DCDC1: variants seen among roughly 807,000 people sequenced by gnomAD.
The protein encoded by DCDC1 is doublecortin domain-containing protein 1.
In DCDC1, 200 loss-of-function variants were observed where a neutral mutation model predicts 178.3. The observed-to-expected ratio is 1.12, with a 90% CI of 1.00 to 1.26. The LOEUF is 1.26. Among genes scored for constraint, DCDC1 ranks in the 50% most tolerant of loss-of-function variants. The probability of loss-of-function intolerance (pLI) is 0.00; values close to 1 mark genes in which losing one functional copy is unlikely to be tolerated. For synonymous variants in DCDC1, 690 were observed against 604.8 expected, an observed-to-expected ratio of 1.14 and a Z score of -2.07; for missense variants, 1,983 against 1,749.2, an observed-to-expected ratio of 1.13 and a Z score of -2.38.
At chr11:31,062,314 CG>C (rs1275053450) in intron 20 of DCDC1, among the ~76,000 whole-genome samples, 1 of 152,050 alleles carries the variant, frequency 6.6e-6, no homozygotes, top group South Asian at 2.1e-4. Context: ...CCTCATAGAG[CG>C]GTATTACGAG....
chr11:30,887,533 T>A (rs774621591), intron 36 of DCDC1, among the ~76,000 whole-genome samples: 1 of 152,224 alleles, frequency 6.6e-6, no homozygotes, highest in Non-Finnish European at 1.5e-5. Flanking sequence ...TATGTTGGCA[T>A]TGAAGTGTTC....
intron 20 of DCDC1, among the ~76,000 whole-genome samples, chr11:31,009,798 G>T (rs1294254379): frequency 6.6e-6 from 1 of 152,138 alleles, no homozygotes; most frequent in Admixed American, 6.5e-5. Flanking sequence ...AAGGGAAGAG[G>T]TTTAATTGAC....
intron 22 of DCDC1, among the ~76,000 whole-genome samples, chr11:30,927,457 C>T (rs1308231182): frequency 1.3e-5 from 2 of 152,114 alleles, no homozygotes; most frequent in Non-Finnish European, 2.9e-5. Flanking sequence ...GAACATCCTA[C>T]ACCGGTTGAT....
At chr11:31,162,148 T>C (rs1280580537) in intron 9 of DCDC1, among the ~76,000 whole-genome samples, 1 of 152,182 alleles carries the variant, frequency 6.6e-6, no homozygotes, top group Non-Finnish European at 1.5e-5. Flanking sequence ...AAACTATGCA[T>C]AATTTTACAC....
At chr11:31,184,800 T>A (rs1969272422) in intron 9 of DCDC1, among the ~76,000 whole-genome samples, 1 of 152,200 alleles carries the variant, frequency 6.6e-6, no homozygotes, top group African/African-American at 2.4e-5. Flanking sequence ...GAAATAGGAA[T>A]GCTTTTACAC....
chr11:30,902,676 A>T (rs1294954211), intron 32 of DCDC1, among the ~76,000 whole-genome samples: 2 of 152,180 alleles, frequency 1.3e-5, no homozygotes, highest in African/African-American at 4.8e-5. Flanking sequence ...TAGTTAAACG[A>T]CTTACCCAAG....
chr11:30,964,244 C>T (rs748539855), intron 20 of DCDC1, among the ~76,000 whole-genome samples: 3 of 152,118 alleles, frequency 2.0e-5, no homozygotes, highest in Non-Finnish European at 2.9e-5. Context: ...GAGATGCTTA[C>T]ACATTTGTTT....
rs11031357 is a variant in DCDC1 at position 31,328,261 on chromosome 11, T to C, written c.20A>G (p.Glu7Gly). The C allele has an allele frequency of 9.8e-4, 1,537 of 1,571,134 alleles. 19 individuals are homozygous for C. In the East Asian group the frequency reaches 0.028, roughly 28 times the overall value. The change falls in exon 3 of 39, where the codon GAA (glutamate) becomes GGA (glycine). Residue 7 changes from glutamate (E) to glycine (G), a missense_variant. Coordinates refer to ENST00000684477, the MANE Select transcript of DCDC1 (RefSeq NM_001387274.1). ...CTGAGATAGTGCTTCTCTGTGATCT[T>C]CTGCTCCTGTTTTTGCCATTTTCAG... MAKTGA[E>G]DHREALSQSS...
At chr11:31,332,225 A>G (rs1950029897) in intron 2 of DCDC1, among the ~76,000 whole-genome samples, 1 of 152,062 alleles carries the variant, frequency 6.6e-6, no homozygotes, top group Admixed American at 6.6e-5. Flanking sequence ...TAGTGGTGAT[A>G]TCCCCTTTAT....
chr11:30,977,709 T>C (rs1015431258), intron 20 of DCDC1, among the ~76,000 whole-genome samples: 2 of 152,054 alleles, frequency 1.3e-5, no homozygotes, highest in Non-Finnish European at 2.9e-5. Context: ...GTGGGCAGAT[T>C]GCCTGAGCTC....
At chr11:31,263,165 A>G in intron 8 of DCDC1, 4 of 1,305,026 alleles carry the variant, frequency 3.1e-6, no homozygotes, top group Non-Finnish European at 4.3e-6. Flanking sequence ...AAGATCCCTT[A>G]TAGTTTCAAT....
intron 20 of DCDC1, among the ~76,000 whole-genome samples, chr11:31,039,836 T>A (rs1954313099): frequency 1.3e-5 from 2 of 152,192 alleles, no homozygotes; most frequent in Admixed American, 1.3e-4. Flanking sequence ...TCGTGATAGT[T>A]GTTTCATAAA....
At chr11:31,197,234 C>G (rs567944745) in intron 9 of DCDC1, among the ~76,000 whole-genome samples, 1 of 151,966 alleles carries the variant, frequency 6.6e-6, no homozygotes, top group African/African-American at 2.4e-5. Flanking sequence ...ACTACACATT[C>G]AACATAAAAA....
chr11:31,199,154 G>T (rs1971018180), intron 9 of DCDC1, among the ~76,000 whole-genome samples: 1 of 151,904 alleles, frequency 6.6e-6, no homozygotes, highest in Non-Finnish European at 1.5e-5. Flanking sequence ...CATTTATTGA[G>T]CATCCATTGG....
At chr11:31,150,262 G>A (rs1023154257) in intron 9 of DCDC1, among the ~76,000 whole-genome samples, 1 of 152,150 alleles carries the variant, frequency 6.6e-6, no homozygotes, top group Non-Finnish European at 1.5e-5. Flanking sequence ...GCTTGCAACA[G>A]TAAAAGGATT....
At chr11:31,309,695 GTAT>G (rs1171861754) in intron 3 of DCDC1, among the ~76,000 whole-genome samples, 1 of 151,934 alleles carries the variant, frequency 6.6e-6, no homozygotes, top group Non-Finnish European at 1.5e-5. Flanking sequence ...TTTAATGAAT[GTAT>G]TTTTTTCATT....
chr11:30,958,863 T>C (rs1460841374), intron 20 of DCDC1, among the ~76,000 whole-genome samples: 1 of 152,066 alleles, frequency 6.6e-6, no homozygotes, highest in Non-Finnish European at 1.5e-5. Flanking sequence ...CCATGAGGAC[T>C]GAAATTTGCC....
intron 10 of DCDC1, among the ~76,000 whole-genome samples, chr11:31,134,141 C>T (rs1374267696): frequency 2.0e-5 from 3 of 152,220 alleles, no homozygotes; most frequent in African/African-American, 7.2e-5. Flanking sequence ...ACATCATACC[C>T]ATCCACTCAT....
chr11:30,932,780 G>GGGATAGA (rs1427694876), intron 21 of DCDC1, among the ~76,000 whole-genome samples: 1 of 152,154 alleles, frequency 6.6e-6, no homozygotes, highest in African/African-American at 2.4e-5. Context: ...GGTAAAAAGA[G>GGGATAGA]GGATAGAGTA....
Sources: gnomAD v4.1 joint callset for allele counts (sites outside exome capture counted in the v4.1 genomes callset) on GRCh38, gnomAD v4.1.1 for gene constraint, MANE v1.5 for transcripts, NCBI Gene and HGNC (gene_info 2026-07-23, HGNC 2026-07-21) for gene names.